Variants in CFAP45 observed in about 807,000 individuals in gnomAD.
The protein encoded by CFAP45 is cilia and flagella associated protein 45.
In CFAP45, 43 loss-of-function variants were observed where a neutral mutation model predicts 75.6. The observed-to-expected ratio is 0.57, with a 90% CI of 0.45 to 0.73. The LOEUF (loss-of-function observed/expected upper bound fraction) is 0.73, where lower values mean the gene tolerates loss of function less well. CFAP45 is among the 30% of genes least tolerant of loss of function. The pLI is 0.00. For missense variants in CFAP45, 689 were observed against 701.5 expected (o/e 0.98, Z 0.20); for synonymous variants, 223 against 244.6 (o/e 0.91, Z 0.82).
At position 159,893,238 on chromosome 1, in the gene CFAP45, C is replaced by T. The variant is rs41264831; in HGVS notation, c.71G>A (p.Arg24His). The T allele has an allele frequency of 0.017, 27,493 of 1,613,904 alleles. 752 individuals carry two copies. Among genetic ancestry groups the T allele is most frequent in the African/African-American group, 0.12 (9,120 of 74,992 alleles). The change falls in exon 2 of 12, where the codon CGC becomes CAC. Residue 24 changes from arginine to histidine, a missense_variant. By Grantham distance (29) the Arg-to-His change is conservative. Transcript: ENST00000368099. Reference sequence around the variant, plus strand: ...AGAGCTCACGGCTTTGGTCCGATAGCGAGCCTTATTCCTTGACCTGTTGGA... The same window carrying T: ...AGAGCTCACGGCTTTGGTCCGATAGTGAGCCTTATTCCTTGACCTGTTGGA... ...AASNRSRNKA[R>H]YRTKAVSSEV... is the part of the protein sequence containing the mutation.
In CFAP45 at chr1:159,873,017, G is replaced by A. The variant is rs751910284; in HGVS notation, c.1504C>T (p.Arg502Cys). ...NRIATFEEGR[R>C]LKEEAQKRRE... ...CGTTTCTGGGCCTCCTCTTTGAGGCGCCGGCCCTCCTCAAAGGTGGCAATC... is the reference window on the plus strand; with the variant it reads ...CGTTTCTGGGCCTCCTCTTTGAGGCACCGGCCCTCCTCAAAGGTGGCAATC... The change falls in exon 11 of 12, where the codon CGC becomes TGC. Residue 502 changes from arginine (R) to cysteine (C), a missense_variant. By Grantham distance (180) the Arg-to-Cys change is radical (BLOSUM62 -3). Coordinates refer to ENST00000368099, the MANE Select transcript of CFAP45 (RefSeq NM_012337.3). The A allele has an allele frequency of 8.1e-6, 13 of 1,614,094 alleles. No individual in the cohort carries two copies. Among genetic ancestry groups the A allele is most frequent in the Admixed American group, 6.7e-5 (4 of 60,006 alleles).
chr1:159,897,137 A>C (rs985817298), intron 1 of CFAP45, among the ~76,000 whole-genome samples: 1 of 151,968 alleles, frequency 6.6e-6, no homozygotes, highest in African/African-American at 2.4e-5. Context: ...GGTGGCGTAC[A>C]CCTATAGTCC....
chr1:159,878,708 A>G (rs1233844496), intron 8 of CFAP45, among the ~76,000 whole-genome samples: 1 of 140,140 alleles, frequency 7.1e-6, no homozygotes, highest in Non-Finnish European at 1.5e-5. Context: ...GTGAGCTGAG[A>G]TCGCACCACT....
At chr1:159,872,914 G>A in intron 11 of CFAP45, 30 bp downstream of exon 11, 1 of 1,598,800 alleles carries the variant, frequency 6.3e-7, no homozygotes. Flanking sequence ...GAGGGAAGAG[G>A]ATTTGGGAAA....
Position 159,873,120 on chromosome 1 carries a change from CT to C in CFAP45, c.1400del (p.Lys467ArgfsTer59). ...IEKERLEEEK[K>X]ATGRLQHANE... Reference sequence around the variant, plus strand: ...TGGCATGCTGTAAGCGCCCTGTGGCCTTTTTCTCCTCCTCCAGCCGCTCCTT... The same window carrying C: ...TGGCATGCTGTAAGCGCCCTGTGGCCTTTTCTCCTCCTCCAGCCGCTCCTT... On this transcript the variant is annotated frameshift_variant, in exon 11 of 12. Transcript: ENST00000368099. LOFTEE classifies it high-confidence loss of function. 3 of 1,614,138 alleles carry C rather than the reference CT, an allele frequency of 1.9e-6. No individual in the cohort carries two copies. The highest frequency in any genetic ancestry group is 1.7e-6 in the Non-Finnish European group (2 of 1,180,034).
chr1:159,893,070 G>C (rs1425645644), intron 2 of CFAP45, 110 bp downstream of exon 2: 1 of 1,258,484 alleles, frequency 7.9e-7, no homozygotes, highest in African/African-American at 1.5e-5. Context: ...TCTTCAGTCT[G>C]AGAGTTACCT....
intron 1 of CFAP45, among the ~76,000 whole-genome samples, chr1:159,894,875 G>A (rs555217559): frequency 2.0e-4 from 31 of 152,288 alleles, no homozygotes; most frequent in Admixed American, 1.4e-3. Context: ...CAGACCCAGC[G>A]TCTGGGCAAC....
intron 2 of CFAP45, 40 bp downstream of exon 2, chr1:159,893,140 T>C (rs1649867060): frequency 6.2e-6 from 10 of 1,610,104 alleles, no homozygotes; most frequent in Admixed American, 3.3e-5. Context: ...GGCCTCTGCC[T>C]GCAGGTGGCA....
chr1:159,888,663 G>T (rs1396000945), intron 3 of CFAP45, among the ~76,000 whole-genome samples, 167 bp from the exon 4 acceptor site: 1 of 151,724 alleles, frequency 6.6e-6, no homozygotes, highest in African/African-American at 2.4e-5. Flanking sequence ...GATGTTCCAA[G>T]TGGGGGGTCA....
chr1:159,876,174 T>G, intron 10 of CFAP45: 1 of 255,432 alleles, frequency 3.9e-6, no homozygotes, highest in Admixed American at 5.0e-5. Context: ...CCTTAGTGTC[T>G]GAAGTTCTTT....
chr1:159,882,057 A>C (rs1649562454), intron 7 of CFAP45, among the ~76,000 whole-genome samples: 1 of 152,182 alleles, frequency 6.6e-6, no homozygotes, highest in Non-Finnish European at 1.5e-5. Flanking sequence ...AGCTTGGCTC[A>C]CTGCCCAGTT....
intron 2 of CFAP45, among the ~76,000 whole-genome samples, chr1:159,892,103 AT>A (rs141397204): frequency 0.12 from 17,692 of 152,152 alleles, 1,094 homozygotes; most frequent in South Asian, 0.18. Flanking sequence ...CATGGGGAAC[AT>A]GATGAAACCC....
intron 7 of CFAP45, among the ~76,000 whole-genome samples, chr1:159,881,977 G>A (rs995061591): frequency 2.0e-5 from 3 of 152,292 alleles, no homozygotes; most frequent in African/African-American, 7.2e-5. Flanking sequence ...CCTCAGCCCA[G>A]CTGCTGCCCT....
chr1:159,877,709 T>G (rs1424930727), intron 8 of CFAP45, among the ~76,000 whole-genome samples: 1 of 152,046 alleles, frequency 6.6e-6, no homozygotes, highest in African/African-American at 2.4e-5. Flanking sequence ...AGACTCTGTC[T>G]CTACTAGAAA....
chr1:159,880,595 G>A lies in CFAP45; in HGVS notation c.1003C>T (p.Leu335=). 6.2e-7 allele frequency: 1 copy of A among 1,613,780 alleles called. No individual in the cohort carries two copies. Among genetic ancestry groups the A allele is most frequent in the African/African-American group, 1.3e-5 (1 of 75,028 alleles). Residue 335 remains leucine, a synonymous_variant, in exon 8 of 12, where the codon CTG becomes TTG. Coordinates refer to ENST00000368099, the MANE Select transcript of CFAP45 (RefSeq NM_012337.3). ...QKAELLAQEK[L]ADQMVMEFTK... is the part of the protein sequence containing the mutation. ...AACTCCATCACCATCTGGTCTGCCAGCTTCTCCTGAGCCAGCAGTTCTGCT... is the reference window on the plus strand; with the variant it reads ...AACTCCATCACCATCTGGTCTGCCAACTTCTCCTGAGCCAGCAGTTCTGCT...
intron 10 of CFAP45, among the ~76,000 whole-genome samples, chr1:159,874,683 C>T (rs1649358998): frequency 6.6e-6 from 1 of 152,200 alleles, no homozygotes; most frequent in Admixed American, 6.5e-5. Flanking sequence ...GAGGATGAAC[C>T]TGGTCGTTCC....
At position 159,890,511 on chromosome 1, in the gene CFAP45, G is replaced by C; in HGVS notation, c.241C>G (p.Leu81Val). The change falls in exon 3 of 12, where the codon CTC becomes GTC. Residue 81 changes from leucine (L) to valine (V), a missense_variant. By Grantham distance (32) the Leu-to-Val change is conservative. Transcript: ENST00000368099. ...GLDRKPETIQ[L>V]ITRDMVRELI... ...TCTCGGACCATGTCCCGGGTGATGA[G>C]CTGGATGGTCTCTGGCTTGCGATCC... 1 of 1,614,176 alleles carries C rather than the reference G, an allele frequency of 6.2e-7. No homozygotes were observed.
intron 1 of CFAP45, among the ~76,000 whole-genome samples, chr1:159,894,001 CAA>C (rs1160822336): frequency 1.3e-5 from 2 of 151,972 alleles, no homozygotes; most frequent in African/African-American, 4.8e-5. Flanking sequence ...AAAGAAATGA[CAA>C]GTGTTTGAGG....
chr1:159,889,050 G>A (rs745814755), intron 3 of CFAP45, among the ~76,000 whole-genome samples: 3 of 152,050 alleles, frequency 2.0e-5, no homozygotes, highest in Non-Finnish European at 4.4e-5. Context: ...GCAAGGGGAC[G>A]CCAGACAAGG....
Sources: gnomAD v4.1 joint callset for allele counts (sites outside exome capture counted in the v4.1 genomes callset) on GRCh38, gnomAD v4.1.1 for gene constraint, MANE v1.5 for transcripts, NCBI Gene and HGNC (gene_info 2026-07-23, HGNC 2026-07-21) for gene names.